The following TCF4 variants were observed in gnomAD, a reference collection of about 807,000 sequenced individuals.
TCF4 encodes the protein SL3-3 enhancer factor 2.
TCF4 carries 3 observed loss-of-function variants against 82.1 expected under a neutral mutation model. The observed-to-expected ratio is 0.04, with a 90% confidence interval of 0.02 to 0.09. The LOEUF (loss-of-function observed/expected upper bound fraction) is 0.09, where lower values mean the gene tolerates loss of function less well. Ranked by LOEUF, TCF4 falls within the 10% of genes least tolerant of loss-of-function variation. TCF4 has a pLI of 1.00. For synonymous variants in TCF4, 276 were observed against 309.6 expected, an observed-to-expected ratio of 0.89 and a Z score of 1.14; for missense variants, 518 against 852.7, an observed-to-expected ratio of 0.61 and a Z score of 4.89.
At chr18:55,392,607 CTA>C (rs1364238974) in intron 6 of TCF4, among the ~76,000 whole-genome samples, 1 of 152,118 alleles carries the variant, frequency 6.6e-6, no homozygotes, top group East Asian at 1.9e-4. Flanking sequence ...TCCTCTGACT[CTA>C]TGTTCACTTT....
At chr18:55,631,371 G>C in exon 2 of TCF4, 1 of 1,548,414 alleles carries the variant, frequency 6.5e-7, no homozygotes, top group Non-Finnish European at 8.7e-7. Context: ...TCTTAGATTG[G>C]TGTTTACAAA....
At chr18:55,242,712 C>A (rs2051676935) in intron 15 of TCF4, among the ~76,000 whole-genome samples, 1 of 151,664 alleles carries the variant, frequency 6.6e-6, no homozygotes, top group Non-Finnish European at 1.5e-5. Context: ...CGGGTTCAAG[C>A]GATTCTCCTG....
At chr18:55,445,886 T>G (rs1290344819) in intron 5 of TCF4, among the ~76,000 whole-genome samples, 1 of 152,188 alleles carries the variant, frequency 6.6e-6, no homozygotes, top group Non-Finnish European at 1.5e-5. Flanking sequence ...TTCATGTTGA[T>G]CCATACAATA....
intron 4 of TCF4, among the ~76,000 whole-genome samples, chr18:55,463,445 T>A (rs2095915924): frequency 6.6e-6 from 1 of 152,166 alleles, no homozygotes; most frequent in Admixed American, 6.6e-5. Context: ...TACATTATAT[T>A]CCTTGGGTCT....
chr18:55,479,143 T>C (rs1429790113), intron 3 of TCF4: 1 of 152,390 alleles, frequency 6.6e-6, no homozygotes, highest in South Asian at 2.1e-4. Context: ...TTCCATCTTC[T>C]GATTTCCTTT....
intron 3 of TCF4, among the ~76,000 whole-genome samples, chr18:55,521,586 T>C (rs918481392): frequency 6.6e-6 from 1 of 152,192 alleles, no homozygotes; most frequent in Non-Finnish European, 1.5e-5. Flanking sequence ...TTTCTCCAGC[T>C]TCCCCACAGT....
rs184986147 is a variant in TCF4 at position 55,364,296 on chromosome 18, C to G, written c.370-13293G>C. Among the ~76,000 whole-genome samples, 147 of 152,236 alleles carry G rather than the reference C, an allele frequency of 9.7e-4. 1 individual carries two copies. Among genetic ancestry groups the G allele is most frequent in the Middle Eastern group, 3.4e-3 (1 of 294 alleles). On this transcript the variant is annotated intron_variant, in intron 6 of 19. Transcript: ENST00000354452. ...TCTGTGAAAATTTACAAAAGCCTAG[C>G]AGGAGTTTTATTAAATTAATGAAGA...
At chr18:55,440,650 C>T (rs188207261) in intron 5 of TCF4, among the ~76,000 whole-genome samples, 46 of 152,318 alleles carry the variant, frequency 3.0e-4, no homozygotes, top group Middle Eastern at 3.4e-3. Context: ...ATCATGATCT[C>T]ATCGGTAATC....
At chr18:55,446,800 C>T (rs1228433288) in intron 5 of TCF4, among the ~76,000 whole-genome samples, 3 of 151,796 alleles carry the variant, frequency 2.0e-5, no homozygotes, top group South Asian at 4.2e-4. Flanking sequence ...CTGGCTAACA[C>T]GGTGAAACCC....
intron 15 of TCF4, among the ~76,000 whole-genome samples, chr18:55,248,391 T>A (rs951686729): frequency 6.6e-6 from 1 of 152,256 alleles, no homozygotes; most frequent in African/African-American, 2.4e-5. Flanking sequence ...CAACTGAAGA[T>A]GCTGATGCCT....
At chr18:55,617,133 G>T (rs9959863) in intron 2 of TCF4, among the ~76,000 whole-genome samples, 4,543 of 152,132 alleles carry the variant, frequency 0.03, 217 homozygotes, top group African/African-American at 0.1. Flanking sequence ...GTAAGGTAAT[G>T]GTCCAATGTC....
At chr18:55,586,864 T>G (rs1206902865) in intron 2 of TCF4, 181 bp downstream of exon 2, 2 of 564,032 alleles carry the variant, frequency 3.5e-6, no homozygotes. Context: ...AGCCTGAATC[T>G]TCCATCACAC....
intron 3 of TCF4, among the ~76,000 whole-genome samples, chr18:55,469,848 G>A (rs1482735889): frequency 2.0e-5 from 3 of 152,150 alleles, no homozygotes; most frequent in Non-Finnish European, 4.4e-5. Flanking sequence ...AAATAGGGCA[G>A]GCTAGTATAT....
chr18:55,600,905 A>G (rs188083014), intron 2 of TCF4, among the ~76,000 whole-genome samples: 2 of 152,364 alleles, frequency 1.3e-5, no homozygotes. Flanking sequence ...AGGTATTACT[A>G]GTAATCTGGA....
Position 55,302,466 on chromosome 18 carries a change from T to C in TCF4, c.550-22810A>G, listed in dbSNP as rs1245422336. 4 of 1,536,218 alleles carry C rather than the reference T, an allele frequency of 2.6e-6. No individual in the cohort carries two copies. In the South Asian group the frequency reaches 4.8e-5, roughly 18 times the overall value. On this transcript the variant is annotated intron_variant, in intron 8 of 19. Coordinates refer to ENST00000354452, the MANE Select transcript of TCF4 (RefSeq NM_001083962.2). The stretch of plus-strand genomic sequence containing the variant: ...CAACATAGCCCTGTATCTGAGCATC[T>C]GCATTGTTTAAATTTCATCCTGTGG...
chr18:55,612,863 G>A (rs1405470096), intron 2 of TCF4, among the ~76,000 whole-genome samples: 8 of 152,038 alleles, frequency 5.3e-5, no homozygotes, highest in East Asian at 1.9e-4. Flanking sequence ...CACGAGAATC[G>A]CTTGAATTCA....
intron 6 of TCF4, among the ~76,000 whole-genome samples, chr18:55,362,443 AAAG>A (rs1311904512): frequency 6.6e-6 from 1 of 151,786 alleles, no homozygotes; most frequent in Non-Finnish European, 1.5e-5. Flanking sequence ...GGAAAAAAAA[AAAG>A]AAGAAAACAT....
intron 6 of TCF4, among the ~76,000 whole-genome samples, chr18:55,397,597 T>C (rs986182346): frequency 5.3e-5 from 8 of 152,122 alleles, no homozygotes; most frequent in African/African-American, 1.4e-4. Context: ...TAAAGAGACA[T>C]AGAAATCAAA....
chr18:55,312,649 T>G (rs1195381575), intron 8 of TCF4, among the ~76,000 whole-genome samples: 1 of 152,170 alleles, frequency 6.6e-6, no homozygotes, highest in East Asian at 1.9e-4. Context: ...AAAGTGACAC[T>G]GTAAAGTTGG....
Sources: allele counts gnomAD v4.1 joint callset (sites outside exome capture counted in the v4.1 genomes callset), GRCh38; gene constraint gnomAD v4.1.1; transcripts MANE v1.5; gene names NCBI Gene and HGNC (gene_info 2026-07-23, HGNC 2026-07-21).